JAKMIP1: variants seen among roughly 807,000 people sequenced by gnomAD.
JAKMIP1 encodes the protein janus kinase and microtubule interacting protein 1.
A neutral mutation model predicts 113.0 loss-of-function variants in JAKMIP1; 33 were observed. The ratio of observed to expected loss-of-function variants is 0.29; its 90% CI spans 0.22 to 0.39. JAKMIP1 has a LOEUF of 0.39. Ranked by LOEUF, JAKMIP1 falls within the 10% of genes least tolerant of loss-of-function variation. The pLI, the probability that JAKMIP1 is intolerant of heterozygous loss-of-function variation, is 1.00. For synonymous variants in JAKMIP1, 480 were observed against 459.9 expected (o/e 1.04, Z -0.56); for missense variants, 813 against 1,080.5 (o/e 0.75, Z 3.47).
Position 6,080,419 on chromosome 4 carries a change from G to C in JAKMIP1, c.1102-107C>G. 3 of 1,302,050 alleles carry C rather than the reference G, an allele frequency of 2.3e-6. No homozygotes were observed. Among genetic ancestry groups the C allele is most frequent in the East Asian group, 4.8e-5 (2 of 41,448 alleles). 80.7% of individuals were successfully genotyped at this position (1,302,050 alleles called of 1,614,324 possible). On this transcript the variant is annotated intron_variant, in intron 6 of 20. Coordinates refer to ENST00000409021, the MANE Select transcript of JAKMIP1 (RefSeq NM_001099433.2). The surrounding 1 kb of genome is among the most constrained non-coding windows in gnomAD (Gnocchi z 6.0). The stretch of plus-strand genomic sequence containing the variant: ...GGTGCAGGGACAGAAGGATGGATGG[G>C]AGGATGAAAGAGATGATGGCCTGAT...
chr4:6,170,787 C>T (rs1724509216), intron 1 of JAKMIP1, among the ~76,000 whole-genome samples: 2 of 88,112 alleles, frequency 2.3e-5, no homozygotes, highest in Non-Finnish European at 5.8e-5. Flanking sequence ...ACCCTCACCA[C>T]CACCACTACA....
At chr4:6,091,911 C>T (rs1722111900) in intron 3 of JAKMIP1, among the ~76,000 whole-genome samples, 1 of 152,102 alleles carries the variant, frequency 6.6e-6, no homozygotes, top group Non-Finnish European at 1.5e-5. Context: ...AAATCTCTTC[C>T]AGCATCTCAT....
Position 6,143,691 on chromosome 4 carries a change from A to G in JAKMIP1, c.-147-30694T>C, listed in dbSNP as rs1054471632. 6.6e-6 allele frequency among the ~76,000 whole-genome samples: 1 copy of G among 152,258 alleles called. No individual in the cohort carries two copies. The highest frequency in any genetic ancestry group is 1.5e-5 in the Non-Finnish European group (1 of 68,042). ...GGAGTTAAAATTCTTTGGCCTCAAC[A>G]GTAACCTACTGAACAGAACGTGGGG... On this transcript the variant is annotated intron_variant, in intron 1 of 20. Coordinates refer to ENST00000409021, the MANE Select transcript of JAKMIP1 (RefSeq NM_001099433.2). The surrounding 1 kb of genome is among the most constrained non-coding windows in gnomAD (Gnocchi z 4.9).
intron 2 of JAKMIP1, among the ~76,000 whole-genome samples, chr4:6,107,869 C>T (rs532621545): frequency 6.6e-6 from 1 of 152,256 alleles, no homozygotes; most frequent in South Asian, 2.1e-4. Context: ...GCAACAGCTG[C>T]CCCTCAAAGG....
intron 17 of JAKMIP1, among the ~76,000 whole-genome samples, chr4:6,041,774 C>G (rs1714343101): frequency 6.6e-6 from 1 of 152,190 alleles, no homozygotes; most frequent in Non-Finnish European, 1.5e-5. Context: ...TTCCTAGAGT[C>G]ACTGCGCCAG....
chr4:6,161,206 C>T (rs1436918499), intron 1 of JAKMIP1, among the ~76,000 whole-genome samples: 2 of 149,068 alleles, frequency 1.3e-5, no homozygotes, highest in African/African-American at 5.0e-5. Context: ...ACTCATCTCC[C>T]CGATCTCCAC....
At chr4:6,146,679 G>T (rs985088809) in intron 1 of JAKMIP1, among the ~76,000 whole-genome samples, 1 of 152,222 alleles carries the variant, frequency 6.6e-6, no homozygotes, top group Non-Finnish European at 1.5e-5. Flanking sequence ...CTGAAAAGTG[G>T]TTAAGATGGT....
chr4:6,090,757 G>T (rs76311184), intron 3 of JAKMIP1, among the ~76,000 whole-genome samples: 1,886 of 151,724 alleles, frequency 0.012, 52 homozygotes, highest in Admixed American at 0.063. Context: ...CTAGAGCATC[G>T]CTGCCCCAGG....
In JAKMIP1 at chr4:6,060,698, A is replaced by C. The variant is rs77015671; in HGVS notation, c.1561-191T>G. On this transcript the variant is annotated intron_variant, in intron 10 of 20. Transcript: ENST00000409021. ...TGGCTCAGCTTCAAACACAAAAATC[A>C]TTAAGAAGAGAACAGCCTTGTTTGG... Among the ~76,000 whole-genome samples the C allele has an allele frequency of 1.6e-3, 248 of 152,352 alleles. 1 individual carries two copies. Among genetic ancestry groups the C allele is most frequent in the Non-Finnish European group, 2.8e-3 (191 of 68,036 alleles).
At chr4:6,111,959 C>A (rs1418336723) in intron 2 of JAKMIP1, among the ~76,000 whole-genome samples, 1 of 152,196 alleles carries the variant, frequency 6.6e-6, no homozygotes, top group Non-Finnish European at 1.5e-5. Flanking sequence ...CTGAACGGAT[C>A]CCTCCTCTCC....
In JAKMIP1 at chr4:6,065,021, A is replaced by G. The variant is rs756870156; in HGVS notation, c.1303-13T>C. ...CCACAACATGCTTCTGTAAAACGCA[A>G]TTTGTATGATGTTAGCAACGACTGA... On this transcript the variant is annotated splice_polypyrimidine_tract_variant and intron_variant, in intron 8 of 20. Transcript: ENST00000409021. The surrounding 1 kb of genome is among the most constrained non-coding windows in gnomAD (Gnocchi z 5.1). 2.5e-6 allele frequency: 4 copies of G among 1,613,912 alleles called. No individual in the cohort carries two copies. Among genetic ancestry groups the G allele is most frequent in the East Asian group, 2.2e-5 (1 of 44,876 alleles).
In JAKMIP1 at chr4:6,168,029, C is replaced by A. The variant is rs1723872763; in HGVS notation, c.-148+32224G>T. 6.6e-6 allele frequency among the ~76,000 whole-genome samples: 1 copy of A among 152,162 alleles called. No individual in the cohort carries two copies. The highest frequency in any genetic ancestry group is 6.5e-5 in the Admixed American group (1 of 15,288). On this transcript the variant is annotated intron_variant, in intron 1 of 20. Transcript: ENST00000409021. This position sits in a 1 kb window ranked among gnomAD's most constrained non-coding sequence, Gnocchi z 4.6. ...AAGACACACAAATGGCCAAGGAGCACCTGAAGAGACGCTCAACGTCATCAG... is the reference window on the plus strand; with the variant it reads ...AAGACACACAAATGGCCAAGGAGCAACTGAAGAGACGCTCAACGTCATCAG...
intron 1 of JAKMIP1, among the ~76,000 whole-genome samples, chr4:6,164,447 G>A (rs1444449806): frequency 6.6e-6 from 1 of 151,222 alleles, no homozygotes. Context: ...GAGATGTAGA[G>A]GAGATTGATG....
chr4:6,163,901 GA>G (rs1723258471), intron 1 of JAKMIP1, among the ~76,000 whole-genome samples: 1 of 152,256 alleles, frequency 6.6e-6, no homozygotes, highest in Non-Finnish European at 1.5e-5. Context: ...AAGGCTAAGA[GA>G]TGTGGAGAAG....
rs570611957 is a variant in JAKMIP1 at position 6,059,807 on chromosome 4, C to T, written c.1644+617G>A. 3.3e-5 allele frequency among the ~76,000 whole-genome samples: 5 copies of T among 152,126 alleles called. No individual in the cohort carries two copies. The highest frequency in any genetic ancestry group is 4.8e-5 in the African/African-American group (2 of 41,428). On this transcript the variant is annotated intron_variant, in intron 11 of 20. Coordinates refer to ENST00000409021, the MANE Select transcript of JAKMIP1 (RefSeq NM_001099433.2). This position sits in a 1 kb window ranked among gnomAD's most constrained non-coding sequence, Gnocchi z 4.8. ...CTGACACAGAGGAGGCCGACCCATA[C>T]GAACCTTCGCATGCCACCCCGAGAG...
In JAKMIP1 at chr4:6,153,582, T is replaced by G. The variant is rs569287911; in HGVS notation, c.-147-40585A>C. Among the ~76,000 whole-genome samples the G allele has an allele frequency of 2.5e-4, 38 of 152,346 alleles. No individual in the cohort carries two copies. Among genetic ancestry groups the G allele is most frequent in the Non-Finnish European group, 5.1e-4 (35 of 68,034 alleles). On this transcript the variant is annotated intron_variant, in intron 1 of 20. Coordinates refer to ENST00000409021, the MANE Select transcript of JAKMIP1 (RefSeq NM_001099433.2). The surrounding 1 kb of genome is among the most constrained non-coding windows in gnomAD (Gnocchi z 4.9). ...AATTTGCGCTGTAAGAGGGTGCACC[T>G]CAGACAGCCCTGACAATCTGGAGAG...
intron 3 of JAKMIP1, among the ~76,000 whole-genome samples, chr4:6,098,969 C>G (rs1037774176): frequency 6.6e-6 from 1 of 152,196 alleles, no homozygotes; most frequent in Non-Finnish European, 1.5e-5. Context: ...GGTTCTGACA[C>G]CACGGCTGGG....
rs568330108 is a variant in JAKMIP1 at position 6,194,994 on chromosome 4, G to A, written c.-148+5259C>T. Among the ~76,000 whole-genome samples, 10 of 152,304 alleles carry A rather than the reference G, an allele frequency of 6.6e-5. No homozygotes were observed. Among genetic ancestry groups the A allele is most frequent in the Admixed American group, 2.0e-4 (3 of 15,300 alleles). On this transcript the variant is annotated intron_variant, in intron 1 of 20. Transcript: ENST00000409021. This position sits in a 1 kb window ranked among gnomAD's most constrained non-coding sequence, Gnocchi z 7.4. ...ACCCGCCACTGCAGCTGCTGTCCACGGCGTGATCCTAGACTAGGCCTTTCA... is the reference window on the plus strand; with the variant it reads ...ACCCGCCACTGCAGCTGCTGTCCACAGCGTGATCCTAGACTAGGCCTTTCA...
chr4:6,107,885 T>C (rs1326372011), intron 2 of JAKMIP1, among the ~76,000 whole-genome samples: 1 of 151,974 alleles, frequency 6.6e-6, no homozygotes, highest in Non-Finnish European at 1.5e-5. Flanking sequence ...AAAGGCCCGT[T>C]GAGAGGAGGA....
Sources: allele counts gnomAD v4.1 joint callset (sites outside exome capture counted in the v4.1 genomes callset), GRCh38; gene constraint gnomAD v4.1.1; non-coding constraint Gnocchi (gnomAD v3.1); transcripts MANE v1.5; gene names NCBI Gene and HGNC (gene_info 2026-07-23, HGNC 2026-07-21).